CADM2: variants seen among roughly 807,000 people sequenced by gnomAD.
CADM2 encodes the protein cell adhesion molecule 2.
A neutral mutation model predicts 49.8 loss-of-function variants in CADM2; 12 were observed. That is an observed-to-expected ratio of 0.24 (90% CI 0.15 to 0.39). The LOEUF is 0.39. CADM2 is among the 10% of genes least tolerant of loss of function. The probability of loss-of-function intolerance (pLI) is 1.00; values close to 1 mark genes in which losing one functional copy is unlikely to be tolerated. For synonymous variants in CADM2, 214 were observed against 175.4 expected (o/e 1.22, Z -1.74); for missense variants, 378 against 492.3 (o/e 0.77, Z 2.20).
chr3:85,627,390 T>C (rs1402798569), intron 1 of CADM2, among the ~76,000 whole-genome samples: 1 of 151,974 alleles, frequency 6.6e-6, no homozygotes, highest in Non-Finnish European at 1.5e-5. Context: ...TACACATCCA[T>C]GTATACATTT....
At chr3:85,305,641 C>A (rs1455991693) in intron 1 of CADM2, among the ~76,000 whole-genome samples, 1 of 151,582 alleles carries the variant, frequency 6.6e-6, no homozygotes, top group Non-Finnish European at 1.5e-5. Context: ...TAAATATAAA[C>A]CTTTCCAAAA....
At chr3:85,290,378 G>A (rs1036365994) in intron 1 of CADM2, among the ~76,000 whole-genome samples, 1 of 152,204 alleles carries the variant, frequency 6.6e-6, no homozygotes, top group African/African-American at 2.4e-5. Context: ...GCCCGCCATT[G>A]CCCAGGCTTG....
chr3:85,374,954 A>G (rs1350307051), intron 1 of CADM2, among the ~76,000 whole-genome samples: 1 of 152,106 alleles, frequency 6.6e-6, no homozygotes, highest in Non-Finnish European at 1.5e-5. Context: ...CTACTTCATT[A>G]CTTTCTAGAC....
intron 1 of CADM2, among the ~76,000 whole-genome samples, chr3:85,658,829 T>A (rs2065303280): frequency 6.7e-6 from 1 of 149,774 alleles, no homozygotes; most frequent in East Asian, 2.0e-4. Flanking sequence ...GGCAGGAGAA[T>A]CACTTAATGC....
chr3:85,928,868 ATATAT>A (rs755073875), intron 6 of CADM2, among the ~76,000 whole-genome samples: 17 of 152,176 alleles, frequency 1.1e-4, no homozygotes, highest in Non-Finnish European at 1.5e-4. Flanking sequence ...GAGTAAGTTA[ATATAT>A]TAGATTTTGA....
chr3:85,359,657 TA>T lies in CADM2; in HGVS notation c.62-366864del, dbSNP rs1364297117. ...GTCAGCATATATATATATATATATATATATATATATTTTTTTTTTTGGTGGA... is the reference window on the plus strand; with the variant it reads ...GTCAGCATATATATATATATATATATTATATATATTTTTTTTTTTGGTGGA... On this transcript the variant is annotated intron_variant, in intron 1 of 9. Coordinates refer to ENST00000383699, the MANE Select transcript of CADM2 (RefSeq NM_001167675.2). Among the ~76,000 whole-genome samples, 197 of 20,514 alleles carry T rather than the reference TA, an allele frequency of 9.6e-3. 18 individuals are homozygous for T. The East Asian group carries it at 0.14, about 15-fold the overall frequency. The allele number at this position is 20,514 out of a possible 152,430, so 13.5% of individuals were successfully genotyped here.
chr3:85,861,160 A>G (rs566804114), intron 3 of CADM2, among the ~76,000 whole-genome samples: 22 of 152,300 alleles, frequency 1.4e-4, no homozygotes, highest in African/African-American at 4.8e-4. Context: ...AGAATAGACT[A>G]TAGAAGGTAA....
At chr3:85,292,625 A>T (rs2043833143) in intron 1 of CADM2, among the ~76,000 whole-genome samples, 2 of 151,628 alleles carry the variant, frequency 1.3e-5, no homozygotes, top group South Asian at 4.1e-4. Flanking sequence ...AGAACTCAGG[A>T]TTAAGAATCT....
chr3:85,572,312 T>C lies in CADM2; in HGVS notation c.62-154210T>C, dbSNP rs547624554. On this transcript the variant is annotated intron_variant, in intron 1 of 9. Coordinates refer to ENST00000383699, the MANE Select transcript of CADM2 (RefSeq NM_001167675.2). ...AAAAGTAAATAAAAAATAAATAAAC[T>C]TCATGTGAATTTTCATGTTACAAAG... is the stretch of plus-strand genomic sequence containing the variant. 4.7e-4 allele frequency among the ~76,000 whole-genome samples: 71 copies of C among 152,026 alleles called. 1 individual carries two copies. In the South Asian group the frequency reaches 7.5e-3, roughly 16 times the overall value.
intron 4 of CADM2, among the ~76,000 whole-genome samples, 199 bp from the exon 5 acceptor site, chr3:85,885,991 G>A (rs1290884116): frequency 6.6e-6 from 1 of 151,284 alleles, no homozygotes; most frequent in Admixed American, 6.6e-5. Context: ...ATATGTTTAT[G>A]TGTATGCATA....
At chr3:85,802,232 T>A (rs749293549) in intron 3 of CADM2, 36 bp downstream of exon 3, 2 of 1,550,704 alleles carry the variant, frequency 1.3e-6, no homozygotes, top group African/African-American at 2.7e-5. Context: ...TTAATCGTAT[T>A]CTAAAATATC....
intron 1 of CADM2, among the ~76,000 whole-genome samples, chr3:84,970,750 C>T (rs1455206293): frequency 6.6e-6 from 1 of 152,020 alleles, no homozygotes; most frequent in Non-Finnish European, 1.5e-5. Flanking sequence ...CTTCTATTAG[C>T]ACCTAGTCTT....
At chr3:85,930,983 A>G (rs1720516597) in intron 6 of CADM2, among the ~76,000 whole-genome samples, 1 of 151,198 alleles carries the variant, frequency 6.6e-6, no homozygotes, top group African/African-American at 2.4e-5. Flanking sequence ...TAATCTTGTT[A>G]ATGTACCTTC....
intron 3 of CADM2, among the ~76,000 whole-genome samples, chr3:85,853,138 A>G (rs1222692526): frequency 6.6e-6 from 1 of 151,666 alleles, no homozygotes; most frequent in African/African-American, 2.4e-5. Flanking sequence ...TGTCATTAGA[A>G]CATTAGCAGT....
intron 1 of CADM2, among the ~76,000 whole-genome samples, chr3:85,071,528 A>G (rs2036744225): frequency 6.6e-6 from 1 of 152,162 alleles, no homozygotes; most frequent in East Asian, 1.9e-4. Context: ...TCCACTCTAT[A>G]TTCTCTTCAA....
At chr3:85,837,798 C>G (rs2074471885) in intron 3 of CADM2, among the ~76,000 whole-genome samples, 1 of 151,682 alleles carries the variant, frequency 6.6e-6, no homozygotes, top group African/African-American at 2.4e-5. Context: ...TTAAACTCCA[C>G]TGTAAGATAA....
intron 1 of CADM2, among the ~76,000 whole-genome samples, chr3:84,965,052 C>T (rs1295336453): frequency 2.6e-5 from 4 of 151,756 alleles, no homozygotes; most frequent in Admixed American, 1.3e-4. Context: ...GATTAAAAAC[C>T]CCAGATACTT....
intron 1 of CADM2, among the ~76,000 whole-genome samples, chr3:85,186,036 C>T (rs1353364503): frequency 6.6e-6 from 1 of 152,144 alleles, no homozygotes; most frequent in Non-Finnish European, 1.5e-5. Context: ...CAGCAGGCCT[C>T]AGCACGGAAC....
chr3:85,046,366 C>A (rs2035656115), intron 1 of CADM2, among the ~76,000 whole-genome samples: 1 of 147,532 alleles, frequency 6.8e-6, no homozygotes, highest in African/African-American at 2.5e-5. Context: ...TTCATTGTGA[C>A]CCCAGGCATG....
Sources: allele counts gnomAD v4.1 joint callset (sites outside exome capture counted in the v4.1 genomes callset), GRCh38; gene constraint gnomAD v4.1.1; transcripts MANE v1.5; gene names NCBI Gene and HGNC (gene_info 2026-07-23, HGNC 2026-07-21).